The following NCALD variants were observed in gnomAD, a reference collection of about 807,000 sequenced individuals.
NCALD encodes the protein neurocalcin-delta.
Under a neutral mutation model 18.6 loss-of-function variants are expected in NCALD, and 10 were observed. That is an observed-to-expected ratio of 0.54 (90% CI 0.33 to 0.91). NCALD has a LOEUF of 0.91. Among genes scored for constraint, NCALD ranks in the 40% least tolerant of loss-of-function variants. The pLI is 0.03. For synonymous variants in NCALD, 88 were observed against 87.4 expected (o/e 1.01, Z -0.04); for missense variants, 184 against 247.6 (o/e 0.74, Z 1.72).
intron 2 of NCALD, among the ~76,000 whole-genome samples, chr8:101,709,838 G>T (rs80181203): frequency 0.026 from 3,937 of 152,326 alleles, 133 homozygotes; most frequent in African/African-American, 0.078. Flanking sequence ...TGGGAGGAGA[G>T]AATCTGCTGT....
chr8:102,114,022 C>G (rs569912446), intron 1 of NCALD, among the ~76,000 whole-genome samples: 9 of 152,316 alleles, frequency 5.9e-5, no homozygotes, highest in South Asian at 4.1e-4. Flanking sequence ...ATGCTAAAAG[C>G]AGCAATGCTT....
At chr8:101,731,387 C>T (rs556359006) in intron 1 of NCALD, among the ~76,000 whole-genome samples, 26 of 152,120 alleles carry the variant, frequency 1.7e-4, no homozygotes, top group Non-Finnish European at 3.2e-4. Flanking sequence ...ACATGAAGAA[C>T]CTCTTTGCAG....
intron 2 of NCALD, among the ~76,000 whole-genome samples, chr8:101,968,500 T>C (rs1820117412): frequency 6.6e-6 from 1 of 152,180 alleles, no homozygotes. Flanking sequence ...GAGGTCAGTG[T>C]TTGACACCAA....
chr8:101,962,100 A>C (rs1235894768), intron 2 of NCALD, among the ~76,000 whole-genome samples: 3 of 152,224 alleles, frequency 2.0e-5, no homozygotes, highest in Non-Finnish European at 4.4e-5. Flanking sequence ...ATTTAAAAAA[A>C]AATGCAGAAG....
At position 101,689,116 on chromosome 8, in the gene NCALD, C is replaced by G. The variant is rs542179202; in HGVS notation, c.*193G>C. 43 of 705,652 alleles carry G rather than the reference C, an allele frequency of 6.1e-5. No individual in the cohort carries two copies. Among genetic ancestry groups the G allele is most frequent in the African/African-American group, 5.4e-4 (31 of 57,390 alleles). 43.7% of individuals were successfully genotyped at this position (705,652 alleles called of 1,614,324 possible). The stretch of plus-strand genomic sequence containing the variant: ...TCTGTCCATGCTCTCCACAAGCACA[C>G]TGGGGCTCTGGGCATTCCCACGAAG... On this transcript the variant is annotated 3_prime_UTR_variant, in exon 4 of 4. Coordinates refer to ENST00000220931, the MANE Select transcript of NCALD (RefSeq NM_032041.3). This position sits in a 1 kb window ranked among gnomAD's most constrained non-coding sequence, Gnocchi z 4.4.
At chr8:101,853,511 T>C (rs1462744167) in intron 4 of NCALD, among the ~76,000 whole-genome samples, 1 of 152,210 alleles carries the variant, frequency 6.6e-6, no homozygotes, top group Non-Finnish European at 1.5e-5. Context: ...GATTTAAGCT[T>C]ATTAAAATGT....
rs1055438867 is a variant in NCALD, at chr8:102,036,143, A to AAATTAATT, written c.-209-15862_-209-15855dup. 6.4e-3 allele frequency among the ~76,000 whole-genome samples: 946 copies of AAATTAATT among 148,304 alleles called. 15 individuals are homozygous for AAATTAATT. The highest frequency in any genetic ancestry group is 0.021 in the African/African-American group (857 of 40,424). ...TCTCTACAAAAATAAATAAATAAAT[A>AAATTAATT]AATTAATTAATTAATTAAATTAGCC... is the stretch of plus-strand genomic sequence containing the variant. On this transcript the variant is annotated intron_variant, in intron 1 of 6. Coordinates refer to the NCALD transcript ENST00000311028.
intron 1 of NCALD, among the ~76,000 whole-genome samples, chr8:102,062,619 T>G (rs141439050): frequency 1.3e-4 from 20 of 152,328 alleles, no homozygotes; most frequent in Middle Eastern, 3.4e-3. Context: ...CACACAACAA[T>G]AAACACTTAT....
chr8:101,732,582 T>A (rs1816883336), intron 1 of NCALD, among the ~76,000 whole-genome samples: 1 of 149,274 alleles, frequency 6.7e-6, no homozygotes, highest in Non-Finnish European at 1.5e-5. Flanking sequence ...AGTATTTCTT[T>A]TTCTTTGCTT....
intron 2 of NCALD, among the ~76,000 whole-genome samples, chr8:101,704,458 G>A (rs1286519038): frequency 6.6e-6 from 1 of 152,146 alleles, no homozygotes; most frequent in Non-Finnish European, 1.5e-5. Flanking sequence ...ATGAGAAAAG[G>A]CTGTGGGATG....
intron 1 of NCALD, among the ~76,000 whole-genome samples, chr8:102,086,587 G>T (rs1824744373): frequency 6.6e-6 from 1 of 152,138 alleles, no homozygotes; most frequent in Admixed American, 6.5e-5. Flanking sequence ...TGTCTAGTCT[G>T]CCACTATTCA....
At chr8:101,735,660 G>T (rs117059138) in intron 1 of NCALD, among the ~76,000 whole-genome samples, 2 of 151,948 alleles carry the variant, frequency 1.3e-5, no homozygotes, top group African/African-American at 2.4e-5. Context: ...TGAACATCCC[G>T]CATTTTTATT....
chr8:101,692,255 A>T, intron 3 of NCALD: 1 of 985,344 alleles, frequency 1.0e-6, no homozygotes. Flanking sequence ...CCTGCTGGGC[A>T]CCTTACTCCC....
intron 2 of NCALD, among the ~76,000 whole-genome samples, chr8:101,917,796 G>A (rs1818022354): frequency 6.6e-6 from 1 of 152,022 alleles, no homozygotes; most frequent in Non-Finnish European, 1.5e-5. Context: ...ACCCTTAGCA[G>A]ACCAATATCA....
intron 4 of NCALD, among the ~76,000 whole-genome samples, chr8:101,834,769 CA>C (rs1249182985): frequency 2.6e-5 from 4 of 152,178 alleles, no homozygotes; most frequent in Admixed American, 2.6e-4. Context: ...ATGATGGGGT[CA>C]GGGGAGGAAC....
At chr8:102,069,793 T>C (rs1363484721) in intron 1 of NCALD, among the ~76,000 whole-genome samples, 1 of 152,194 alleles carries the variant, frequency 6.6e-6, no homozygotes, top group African/African-American at 2.4e-5. Context: ...CCAAACAGGA[T>C]ATATAATATT....
intron 2 of NCALD, among the ~76,000 whole-genome samples, chr8:101,708,515 G>C (rs770652530): frequency 6.6e-6 from 1 of 152,206 alleles, no homozygotes; most frequent in Non-Finnish European, 1.5e-5. Flanking sequence ...CCCAGCTCTG[G>C]AAATTGTGGC....
chr8:101,708,650 A>C (rs561302294), intron 2 of NCALD, among the ~76,000 whole-genome samples: 1 of 151,756 alleles, frequency 6.6e-6, no homozygotes, highest in Non-Finnish European at 1.5e-5. Flanking sequence ...GATTAGCTGC[A>C]ATCCACAAAT....
intron 4 of NCALD, among the ~76,000 whole-genome samples, chr8:101,826,311 G>A (rs375521467): frequency 6.6e-6 from 1 of 152,202 alleles, no homozygotes; most frequent in East Asian, 1.9e-4. Flanking sequence ...CACTCCCAGA[G>A]ATTGTGGGAA....
Sources: gnomAD v4.1 joint callset for allele counts (sites outside exome capture counted in the v4.1 genomes callset) on GRCh38, gnomAD v4.1.1 for gene constraint, Gnocchi (gnomAD v3.1) non-coding constraint, MANE v1.5 for transcripts, NCBI Gene and HGNC (gene_info 2026-07-23, HGNC 2026-07-21) for gene names.